UPF1: variants seen among roughly 807,000 people sequenced by gnomAD.
UPF1 encodes regulator of nonsense transcripts 1.
In UPF1, 9 loss-of-function variants were observed where a neutral mutation model predicts 129.2. The observed-to-expected ratio is 0.07, with a 90% confidence interval of 0.04 to 0.12. The LOEUF is 0.12. UPF1 is among the 10% of genes least tolerant of loss of function. The pLI is 1.00. For missense variants in UPF1, 788 were observed against 1,525.3 expected (o/e 0.52, Z 8.05); for synonymous variants, 649 against 644.9 (o/e 1.01, Z -0.10).
Position 18,865,891 on chromosome 19 carries a change from T to C in UPF1, c.3237+113T>C, listed in dbSNP as rs2055838342. ...GCCTGGCCCATGTCCACTGTCTGAA[T>C]TACCTGTCCCTGGGCTGGGGTCATC... On this transcript the variant is annotated intron_variant, in intron 22 of 23. Transcript: ENST00000262803. This position sits in a 1 kb window ranked among gnomAD's most constrained non-coding sequence, Gnocchi z 6.1. 1.3e-6 allele frequency: 2 copies of C among 1,571,538 alleles called. No individual in the cohort carries two copies. Among genetic ancestry groups the C allele is most frequent in the Non-Finnish European group, 1.7e-6 (2 of 1,156,968 alleles).
rs1051380685 is a variant in UPF1, at chr19:18,855,377, A to G, written c.1544+135A>G. 6.7e-6 allele frequency: 6 copies of G among 901,124 alleles called. No homozygotes were observed. In the Admixed American group the frequency reaches 8.0e-5, roughly 12 times the overall value. 55.8% of individuals were successfully genotyped at this position (901,124 alleles called of 1,614,324 possible). On this transcript the variant is annotated intron_variant, in intron 11 of 23. Transcript: ENST00000262803. ...GGCGGGTAGTGTCGCCATGGTGCCT[A>G]CCGCTCTCTATGTGACATTATTCGT... is the stretch of plus-strand genomic sequence containing the variant.
At chr19:18,852,021 G>A in intron 5 of UPF1, 114 bp from the exon 6 acceptor site, 2 of 1,400,700 alleles carry the variant, frequency 1.4e-6, no homozygotes, top group Non-Finnish European at 1.9e-6. Context: ...CACCCACCGT[G>A]GCCCATTCTG....
intron 20 of UPF1, among the ~76,000 whole-genome samples, chr19:18,864,811 C>T (rs1458100622): frequency 7.6e-6 from 1 of 131,080 alleles, no homozygotes; most frequent in African/African-American, 2.9e-5. Context: ...GTGATCTTGG[C>T]TCACTGCAAC....
chr19:18,856,938 A>G lies in UPF1; in HGVS notation c.1886A>G (p.Gln629Arg), dbSNP rs376043023. The G allele has an allele frequency of 1.2e-6, 2 of 1,612,330 alleles. No individual in the cohort carries two copies. Among genetic ancestry groups the G allele is most frequent in the African/African-American group, 1.3e-5 (1 of 74,858 alleles). Residue 629 changes from glutamine to arginine, a missense_variant, in exon 14 of 24, where the codon CAG becomes CGG. Gln to Arg is a conservative substitution (Grantham distance 43). Around this residue, in one of 6 missense-constraint regions of UPF1, gnomAD observed 140 missense variants for 385.9 expected, o/e 0.36. Transcript: ENST00000262803. Reference protein sequence around the residue: ...GAGDPRLAKMQFRSILIDEST... With the variant: ...GAGDPRLAKMRFRSILIDEST... ...GGTGACCCGAGGCTGGCCAAGATGC[A>G]GTTCCGCTCCATTTTAATCGACGAA...
rs762676723 is a variant in UPF1, at chr19:18,862,007, C to A, written c.2458-3C>A. The A allele has an allele frequency of 6.2e-7, 1 of 1,613,812 alleles. No individual in the cohort carries two copies. Among genetic ancestry groups the A allele is most frequent in the Non-Finnish European group, 8.5e-7 (1 of 1,179,962 alleles). On this transcript the variant is annotated splice_polypyrimidine_tract_variant and splice_region_variant and intron_variant, in intron 17 of 23. Coordinates refer to ENST00000262803, the MANE Select transcript of UPF1 (RefSeq NM_002911.4). ...TGATAGTGACCACAAAGCTCCCTTC[C>A]AGGAGGTGGAGATCGCCAGTGTGGA...
chr19:18,853,192 C>G lies in UPF1; in HGVS notation c.1058-60C>G. ...TAAAGTGCCCCTTAATTTGAACTCT[C>G]CCTGGTGGAAGCGACGGCGTGGGTT... On this transcript the variant is annotated intron_variant, in intron 7 of 23. Coordinates refer to ENST00000262803, the MANE Select transcript of UPF1 (RefSeq NM_002911.4). The surrounding 1 kb of genome is among the most constrained non-coding windows in gnomAD (Gnocchi z 4.4). 6.3e-7 allele frequency: 1 copy of G among 1,596,908 alleles called. No individual in the cohort carries two copies. The highest frequency in any genetic ancestry group is 1.1e-5 in the South Asian group (1 of 89,738).
chr19:18,860,295 T>C, intron 15 of UPF1, 26 bp from the exon 16 acceptor site: 1 of 1,611,120 alleles, frequency 6.2e-7, no homozygotes, highest in South Asian at 1.1e-5. Context: ...GCTTTTGAAG[T>C]GTTACTTCTT....
In UPF1 at chr19:18,855,115, G is replaced by A. The variant is rs2055702375; in HGVS notation, c.1426-9G>A. ...CGGAGGCTGCCCCTAACGGCCGCTT[G>A]TATTGAAGGTTTATGCCGTGAAGAC... On this transcript the variant is annotated splice_polypyrimidine_tract_variant and intron_variant, in intron 10 of 23. Transcript: ENST00000262803. 1 of 1,613,792 alleles carries A rather than the reference G, an allele frequency of 6.2e-7. No individual in the cohort carries two copies. The highest frequency in any genetic ancestry group is 1.3e-5 in the African/African-American group (1 of 74,948).
chr19:18,832,317 C>T lies in UPF1; in HGVS notation c.108C>T (p.Thr36=). 1 of 1,524,160 alleles carries T rather than the reference C, an allele frequency of 6.6e-7. No individual in the cohort carries two copies. The highest frequency in any genetic ancestry group is 2.8e-5 in the East Asian group (1 of 35,324). 94.4% of individuals were successfully genotyped at this position (1,524,160 alleles called of 1,614,324 possible). A position where few individuals can be genotyped will look rare whatever the true frequency, so the allele number is the denominator to read the frequency against. ...ADTQGSEFEF[T]DFTLPSQTQT... ...CACAGGGCTCCGAGTTCGAGTTCAC[C>T]GACTTTACTCTTCCTAGCCAGACGC... The change falls in exon 1 of 24, where the codon ACC becomes ACT. Residue 36 remains threonine, a synonymous_variant. Coordinates refer to ENST00000262803, the MANE Select transcript of UPF1 (RefSeq NM_002911.4). The surrounding 1 kb of genome is among the most constrained non-coding windows in gnomAD (Gnocchi z 5.6).
intron 3 of UPF1, chr19:18,849,815 A>AT: frequency 2.1e-6 from 1 of 482,490 alleles, no homozygotes; most frequent in Admixed American, 3.9e-5. Flanking sequence ...AGAAAGCAGG[A>AT]TTTTTAAAAA....
chr19:18,854,548 CA>C, intron 8 of UPF1, 52 bp from the exon 9 acceptor site: 2 of 1,482,964 alleles, frequency 1.3e-6, no homozygotes, highest in Non-Finnish European at 1.9e-6. Flanking sequence ...AAGGGTGGCC[CA>C]GAAAGGTCAG....
At chr19:18,852,917 C>T (rs1013779477) in intron 6 of UPF1, 70 bp from the exon 7 acceptor site, 83 of 1,335,178 alleles carry the variant, frequency 6.2e-5, no homozygotes, top group Non-Finnish European at 7.1e-5. Context: ...CATGGGGCCT[C>T]GGGCATGTGG....
chr19:18,858,044 A>C (rs1351111695), intron 15 of UPF1, among the ~76,000 whole-genome samples: 1 of 152,214 alleles, frequency 6.6e-6, no homozygotes, highest in African/African-American at 2.4e-5. Flanking sequence ...TGCCCGGATC[A>C]CAGTAAGAAA....
chr19:18,852,152 G>A lies in UPF1; in HGVS notation c.828G>A (p.Thr276=), dbSNP rs375912423. ...EELWKENPSA[T]LEDLEKPGVD... ...TCTTCTAGGAAAACCCTTCTGCCACGCTGGAGGACCTGGAGAAGCCGGGGG... is the reference window on the plus strand; with the variant it reads ...TCTTCTAGGAAAACCCTTCTGCCACACTGGAGGACCTGGAGAAGCCGGGGG... Residue 276 remains threonine, a synonymous_variant, in exon 6 of 24, where the codon ACG becomes ACA. Coordinates refer to ENST00000262803, the MANE Select transcript of UPF1 (RefSeq NM_002911.4). 2 of 1,608,602 alleles carry A rather than the reference G, an allele frequency of 1.2e-6. No homozygotes were observed. The highest frequency in any genetic ancestry group is 1.7e-4 in the Middle Eastern group (1 of 5,992).
intron 1 of UPF1, among the ~76,000 whole-genome samples, chr19:18,844,872 T>C (rs766101088): frequency 2.6e-5 from 4 of 152,276 alleles, no homozygotes; most frequent in Non-Finnish European, 5.9e-5. Context: ...CTTGAAACTT[T>C]TCAGAGAGTG....
rs1180374458 is a variant in UPF1 at position 18,853,979 on chromosome 19, G to C, written c.1157-622G>C. Among the ~76,000 whole-genome samples, 3 of 152,160 alleles carry C rather than the reference G, an allele frequency of 2.0e-5. No individual in the cohort carries two copies. The highest frequency in any genetic ancestry group is 4.4e-5 in the Non-Finnish European group (3 of 68,020). The stretch of plus-strand genomic sequence containing the variant: ...CAGCGGTGGCCTCCACAGGGGTAGG[G>C]AGAGTTGTCTCCCACACCCACCCTG... On this transcript the variant is annotated intron_variant, in intron 8 of 23. Transcript: ENST00000262803. The surrounding 1 kb of genome is among the most constrained non-coding windows in gnomAD (Gnocchi z 4.4).
chr19:18,863,891 T>C (rs894861084), intron 19 of UPF1, among the ~76,000 whole-genome samples: 4 of 152,112 alleles, frequency 2.6e-5, no homozygotes, highest in Admixed American at 2.6e-4. Context: ...ACACGGGCAG[T>C]TGGAAGCTTT....
rs753481105 is a variant in UPF1, at chr19:18,862,117, C to T, written c.2565C>T (p.Asp855=). The change falls in exon 18 of 24, where the codon GAC becomes GAT. Residue 855 remains aspartate, a synonymous_variant. Coordinates refer to ENST00000262803, the MANE Select transcript of UPF1 (RefSeq NM_002911.4). The part of the protein sequence containing the change: ...NEHQGIGFLN[D]PRRLNVALTR... ...ACCAAGGCATTGGCTTTTTAAATGA[C>T]CCCAGGCGTCTGAACGTGGCCCTGA... The T allele has an allele frequency of 1.7e-5, 28 of 1,613,896 alleles. No homozygotes were observed. The African/African-American group carries it at 2.8e-4, about 16-fold the overall frequency.
intron 1 of UPF1, among the ~76,000 whole-genome samples, chr19:18,836,982 G>T (rs1053871121): frequency 1.1e-4 from 17 of 151,892 alleles, no homozygotes; most frequent in African/African-American, 3.9e-4. Context: ...TTGATCTCCT[G>T]ACCTCGTGTT....
Sources: allele counts gnomAD v4.1 joint callset (sites outside exome capture counted in the v4.1 genomes callset), GRCh38; gene constraint gnomAD v4.1.1; regional missense constraint gnomAD v4.1.1; non-coding constraint Gnocchi (gnomAD v3.1); transcripts MANE v1.5; gene names NCBI Gene and HGNC (gene_info 2026-07-23, HGNC 2026-07-21).